The following CAPN5 variants were observed in gnomAD, a reference collection of about 807,000 sequenced individuals.
CAPN5 encodes the protein calpain 5, also known as calpain-5.
Under a neutral mutation model 73.0 loss-of-function variants are expected in CAPN5, and 54 were observed. The observed-to-expected ratio is 0.74, with a 90% CI of 0.59 to 0.93. The LOEUF (loss-of-function observed/expected upper bound fraction) is 0.93, where lower values mean the gene tolerates loss of function less well. Among genes scored for constraint, CAPN5 ranks in the 40% least tolerant of loss-of-function variants. The pLI is 0.00. For missense variants in CAPN5, 785 were observed against 882.9 expected, an observed-to-expected ratio of 0.89 and a Z score of 1.41; for synonymous variants, 335 against 356.9, an observed-to-expected ratio of 0.94 and a Z score of 0.69.
intron 3 of CAPN5, among the ~76,000 whole-genome samples, chr11:77,098,506 A>AC (rs1950241134): frequency 1.4e-5 from 1 of 71,766 alleles, no homozygotes; most frequent in Non-Finnish European, 2.6e-5. Context: ...CGGAGGGCTG[A>AC]CCCCCCCACC....
intron 3 of CAPN5, among the ~76,000 whole-genome samples, chr11:77,107,207 C>G (rs1216460621): frequency 6.6e-6 from 1 of 152,168 alleles, no homozygotes; most frequent in Non-Finnish European, 1.5e-5. Context: ...GTCTTGGAAT[C>G]AGAAGCTGAG....
At chr11:77,078,930 C>A (rs1235375690) in intron 1 of CAPN5, among the ~76,000 whole-genome samples, 10 of 151,888 alleles carry the variant, frequency 6.6e-5, no homozygotes, top group African/African-American at 2.4e-4. Flanking sequence ...TCCTTCTATA[C>A]CTATTTTGTT....
At chr11:77,099,844 G>GT (rs1193486576) in intron 3 of CAPN5, among the ~76,000 whole-genome samples, 243 of 151,020 alleles carry the variant, frequency 1.6e-3, no homozygotes, top group African/African-American at 4.8e-3. Context: ...GCTTGTTTTG[G>GT]TTTTTTTTTG....
In CAPN5 at chr11:77,084,912, A is replaced by G; in HGVS notation, c.26A>G (p.Glu9Gly). 6.2e-7 allele frequency: 1 copy of G among 1,614,054 alleles called. No homozygotes were observed. The highest frequency in any genetic ancestry group is 8.5e-7 in the Non-Finnish European group (1 of 1,179,998). Reference protein sequence around the residue: MFSCVKPYEDQNYSALRRD... With the variant: MFSCVKPYGDQNYSALRRD... ...ATGTTCTCGTGTGTGAAGCCCTATGAGGACCAGAACTACTCAGCCCTGAGG... is the reference window on the plus strand; with the variant it reads ...ATGTTCTCGTGTGTGAAGCCCTATGGGGACCAGAACTACTCAGCCCTGAGG... Residue 9 changes from glutamate to glycine, a missense_variant, in exon 2 of 13, where the codon GAG (glutamate) becomes GGG (glycine). Transcript: ENST00000648180.
At chr11:77,103,404 AT>A in intron 3 of CAPN5, 2 of 1,515,650 alleles carry the variant, frequency 1.3e-6, no homozygotes, top group Non-Finnish European at 8.8e-7. Context: ...TCCCCCCTGT[AT>A]TTTTGGGGCC....
At chr11:77,118,374 C>T in intron 8 of CAPN5, 22 bp downstream of exon 8, 1 of 1,545,072 alleles carries the variant, frequency 6.5e-7, no homozygotes, top group Non-Finnish European at 8.8e-7. Flanking sequence ...CAGGAACCCC[C>T]ACCCTGCCCT....
rs200490589 is a variant in CAPN5, at chr11:77,120,771, T to A, written c.1349T>A (p.Ile450Asn). The change falls in exon 10 of 13, where the codon ATC becomes AAC. Residue 450 changes from isoleucine to asparagine, a missense_variant. Transcript: ENST00000648180. ...CTGCAGCACAAGGCCGCCAGCTCCA[T>A]CTACATCAACTCACGCAGCGTCTTC... Reference protein sequence around the residue: ...HSLQHKAASSIYINSRSVFLR... With the variant: ...HSLQHKAASSNYINSRSVFLR... 230 of 1,613,998 alleles carry A rather than the reference T, an allele frequency of 1.4e-4. 1 individual carries two copies. The highest frequency in any genetic ancestry group is 6.6e-4 in the Middle Eastern group (4 of 6,062).
chr11:77,089,258 G>T (rs1231319577), intron 2 of CAPN5, among the ~76,000 whole-genome samples: 2 of 152,164 alleles, frequency 1.3e-5, no homozygotes, highest in African/African-American at 4.8e-5. Flanking sequence ...AGGACACTTC[G>T]GGTCCCCATT....
At chr11:77,119,236 C>G (rs1950499555) in intron 9 of CAPN5, 84 bp downstream of exon 9, 3 of 1,447,852 alleles carry the variant, frequency 2.1e-6, no homozygotes, top group Admixed American at 4.2e-5. Context: ...GAAGAACGCT[C>G]TAGAACACCT....
In CAPN5 at chr11:77,123,768, G is replaced by T. The variant is rs782161947; in HGVS notation, c.1821G>T (p.Leu607=). The T allele has an allele frequency of 2.5e-6, 4 of 1,613,752 alleles. No individual in the cohort carries two copies. Among genetic ancestry groups the T allele is most frequent in the Non-Finnish European group, 3.4e-6 (4 of 1,179,986 alleles). Residue 607 remains leucine (L), a synonymous_variant, in exon 13 of 13, where the codon CTG becomes CTT. Transcript: ENST00000648180. The part of the protein sequence containing the change: ...LKADPDNLQA[L]HTLHLRDRNS... ...CTGACCCGGACAACCTCCAGGCCCT[G>T]CATACCCTCCACCTCCGGGACCGAA...
At chr11:77,115,779 G>A (rs1184453794) in intron 6 of CAPN5, among the ~76,000 whole-genome samples, 191 bp downstream of exon 6, 1 of 152,182 alleles carries the variant, frequency 6.6e-6, no homozygotes, top group African/African-American at 2.4e-5. Flanking sequence ...GAAAGGCCTG[G>A]GGCTGGAGGC....
Position 77,112,799 on chromosome 11 carries a change from T to C in CAPN5, c.506+2T>C, listed in dbSNP as rs1950425548. The C allele has an allele frequency of 1.9e-6, 3 of 1,613,860 alleles. No homozygotes were observed. The South Asian group carries it at 3.3e-5, about 18-fold the overall frequency. ...CCTAGTGGAGAAGGCCTATGCCAAG[T>C]AGGTGCCAGCAGCAGGCAGGTGGGT... On this transcript the variant is annotated splice_donor_variant, in intron 4 of 12. Coordinates refer to ENST00000648180, the MANE Select transcript of CAPN5 (RefSeq NM_004055.5). LOFTEE classifies it high-confidence loss of function.
At chr11:77,097,553 G>C (rs1950225826) in intron 3 of CAPN5, among the ~76,000 whole-genome samples, 1 of 128,104 alleles carries the variant, frequency 7.8e-6, no homozygotes, top group Non-Finnish European at 1.6e-5. Flanking sequence ...CAATAGTGGA[G>C]GGAAGGTCAG....
At chr11:77,075,054 G>C (rs10899350) in intron 1 of CAPN5, among the ~76,000 whole-genome samples, 111,449 of 151,852 alleles carry the variant, frequency 0.73, 41,174 homozygotes, top group African/African-American at 0.82. Flanking sequence ...ATGGGGCTCC[G>C]CAAGACAGCC....
rs1398049679 is a variant in CAPN5 at position 77,122,719 on chromosome 11, C to A, written c.1740+7C>A. 24 of 1,612,868 alleles carry A rather than the reference C, an allele frequency of 1.5e-5. No individual in the cohort carries two copies. The highest frequency in any genetic ancestry group is 1.9e-5 in the Non-Finnish European group (23 of 1,179,870). On this transcript the variant is annotated splice_region_variant and intron_variant, in intron 12 of 12. Transcript: ENST00000648180. Reference sequence around the variant, plus strand: ...CCAGCCCATCACTGTACAGGTGAGCCCCCTGGTCCAGAGGCCACCTCCTGG... The same window carrying A: ...CCAGCCCATCACTGTACAGGTGAGCACCCTGGTCCAGAGGCCACCTCCTGG...
rs116105190 is a variant in CAPN5 at position 77,106,163 on chromosome 11, A to G, written c.298-6426A>G. ...CAACCCCACCACTCTCCTGGGTCAC[A>G]CAGCCCCTTTCATGCCCGCCTCAGA... On this transcript the variant is annotated intron_variant, in intron 3 of 12. Coordinates refer to ENST00000648180, the MANE Select transcript of CAPN5 (RefSeq NM_004055.5). 9.3e-3 allele frequency among the ~76,000 whole-genome samples: 1,423 copies of G among 152,204 alleles called. 25 individuals are homozygous for G. The highest frequency in any genetic ancestry group is 0.032 in the African/African-American group (1,348 of 41,522).
intron 3 of CAPN5, among the ~76,000 whole-genome samples, chr11:77,096,519 C>T (rs547883467): frequency 6.6e-6 from 1 of 152,342 alleles, no homozygotes; most frequent in African/African-American, 2.4e-5. Flanking sequence ...CATCTCTTGG[C>T]CTCCTGCCCT....
chr11:77,114,501 A>C, intron 5 of CAPN5, 67 bp downstream of exon 5: 1 of 1,408,328 alleles, frequency 7.1e-7, no homozygotes, highest in African/African-American at 1.4e-5. Flanking sequence ...ATGGGAGACA[A>C]CTGTGACATC....
At chr11:77,123,614 A>T in intron 12 of CAPN5, 74 bp from the exon 13 acceptor site, 1 of 1,286,226 alleles carries the variant, frequency 7.8e-7, no homozygotes, top group East Asian at 2.3e-5. Flanking sequence ...CACCACCACC[A>T]GCACCCCCCA....
Sources: gnomAD v4.1 joint callset for allele counts (sites outside exome capture counted in the v4.1 genomes callset) on GRCh38, gnomAD v4.1.1 for gene constraint, MANE v1.5 for transcripts, NCBI Gene and HGNC (gene_info 2026-07-23, HGNC 2026-07-21) for gene names.